Variants in COL26A1 observed in about 807,000 individuals in gnomAD.
COL26A1 encodes collagen type XXVI alpha 1 chain.
Under a neutral mutation model 59.3 loss-of-function variants are expected in COL26A1, and 41 were observed. That is an observed-to-expected ratio of 0.69 (90% CI 0.54 to 0.90). The LOEUF (loss-of-function observed/expected upper bound fraction) is 0.90. Among genes scored for constraint, COL26A1 ranks in the 40% least tolerant of loss-of-function variants. The pLI, the probability that COL26A1 is intolerant of heterozygous loss-of-function variation, is 0.00. For synonymous variants in COL26A1, 266 were observed against 256.0 expected (o/e 1.04, Z -0.37); for missense variants, 612 against 602.3 (o/e 1.02, Z -0.17).
chr7:101,473,856 GAA>G (rs72037716), intron 3 of COL26A1, among the ~76,000 whole-genome samples: 2 of 145,776 alleles, frequency 1.4e-5, no homozygotes, highest in South Asian at 2.2e-4. Flanking sequence ...CTGTCTCAAA[GAA>G]AAAAAAAAAG....
At chr7:101,398,773 A>AG (rs2130183266) in intron 1 of COL26A1, among the ~76,000 whole-genome samples, 1 of 152,252 alleles carries the variant, frequency 6.6e-6, no homozygotes, top group South Asian at 2.1e-4. Context: ...GCCGCTGCAG[A>AG]GGAGGGGGTC....
intron 3 of COL26A1, among the ~76,000 whole-genome samples, chr7:101,463,909 T>TCC (rs1793694311): frequency 1.9e-5 from 1 of 51,678 alleles, no homozygotes; most frequent in Non-Finnish European, 4.2e-5. Context: ...TTCTTTTTCT[T>TCC]TCTCTCTTTC....
chr7:101,552,789 C>G (rs566550341), intron 10 of COL26A1, among the ~76,000 whole-genome samples: 3 of 152,212 alleles, frequency 2.0e-5, no homozygotes, highest in Non-Finnish European at 4.4e-5. Context: ...TGCCTGTAAT[C>G]TCAGCTACTC....
intron 1 of COL26A1, among the ~76,000 whole-genome samples, chr7:101,402,965 C>A (rs1035550523): frequency 1.3e-5 from 2 of 151,868 alleles, no homozygotes; most frequent in South Asian, 4.1e-4. Context: ...CCCACCTCAG[C>A]TTCTCGAGTA....
At chr7:101,489,771 T>G (rs915023832) in intron 3 of COL26A1, among the ~76,000 whole-genome samples, 117 of 3,126 alleles carry the variant, frequency 0.037, 29 homozygotes, top group Non-Finnish European at 0.057. Flanking sequence ...TCTTTCTTTC[T>G]TTCTTTCTTT....
At chr7:101,405,083 G>A (rs141544984) in intron 1 of COL26A1, among the ~76,000 whole-genome samples, 2,591 of 151,890 alleles carry the variant, frequency 0.017, 67 homozygotes, top group African/African-American at 0.06. Context: ...TTAGCCGGGC[G>A]TGGTGGCAGG....
At chr7:101,423,872 C>A (rs1433731857) in intron 2 of COL26A1, among the ~76,000 whole-genome samples, 1 of 152,118 alleles carries the variant, frequency 6.6e-6, no homozygotes, top group Non-Finnish European at 1.5e-5. Context: ...TAAGTCTCCC[C>A]TTTGCCTATA....
intron 3 of COL26A1, among the ~76,000 whole-genome samples, chr7:101,463,903 T>TTCTTTCTCTC (rs377202948): frequency 2.0e-5 from 1 of 49,906 alleles, no homozygotes; most frequent in African/African-American, 7.0e-5. Flanking sequence ...CTTTCTTTCT[T>TTCTTTCTCTC]TTTCTTTCTC....
chr7:101,518,212 G>T (rs1008511620), intron 3 of COL26A1, among the ~76,000 whole-genome samples: 2 of 152,162 alleles, frequency 1.3e-5, no homozygotes, highest in African/African-American at 4.8e-5. Context: ...GAATTTGTCT[G>T]TTCCTTGAGA....
intron 2 of COL26A1, among the ~76,000 whole-genome samples, chr7:101,437,377 G>A (rs1792940907): frequency 6.6e-6 from 1 of 151,102 alleles, no homozygotes; most frequent in South Asian, 2.1e-4. Context: ...CCTGAATGGG[G>A]GCGGAGTTCC....
chr7:101,399,227 G>T (rs989037717), intron 1 of COL26A1, among the ~76,000 whole-genome samples: 11 of 152,088 alleles, frequency 7.2e-5, no homozygotes, highest in African/African-American at 2.7e-4. Flanking sequence ...GATTGCTTGA[G>T]CCCAGGAGGT....
chr7:101,426,257 G>T (rs1284349252), intron 2 of COL26A1, among the ~76,000 whole-genome samples: 1 of 152,124 alleles, frequency 6.6e-6, no homozygotes, highest in Non-Finnish European at 1.5e-5. Flanking sequence ...GCACTTTGAG[G>T]CAGGGTCTGT....
intron 1 of COL26A1, among the ~76,000 whole-genome samples, chr7:101,387,390 T>A (rs1270511846): frequency 6.6e-6 from 1 of 150,984 alleles, no homozygotes; most frequent in African/African-American, 2.5e-5. Flanking sequence ...AAAAAAAGTT[T>A]ATTTTTTCCC....
chr7:101,407,310 T>G (rs572242328), intron 1 of COL26A1, among the ~76,000 whole-genome samples: 127 of 152,280 alleles, frequency 8.3e-4, no homozygotes, highest in African/African-American at 2.9e-3. Flanking sequence ...ACCATGGCCC[T>G]CCGCTTGTCT....
chr7:101,540,520 A>G (rs1423824579), intron 5 of COL26A1, among the ~76,000 whole-genome samples: 1 of 149,464 alleles, frequency 6.7e-6, no homozygotes, highest in African/African-American at 2.5e-5. Flanking sequence ...CCTGGGGGAC[A>G]AGAGCAAAAT....
At chr7:101,529,892 A>G (rs1795328382) in intron 3 of COL26A1, among the ~76,000 whole-genome samples, 1 of 152,164 alleles carries the variant, frequency 6.6e-6, no homozygotes, top group African/African-American at 2.4e-5. Context: ...GAACACAGCT[A>G]CTAGAGAGGG....
At chr7:101,502,920 G>A (rs73712178) in intron 3 of COL26A1, among the ~76,000 whole-genome samples, 16,577 of 152,176 alleles carry the variant, frequency 0.11, 2,021 homozygotes, top group African/African-American at 0.3. Flanking sequence ...CATGGTGTCC[G>A]CCCAGTGACT....
At chr7:101,512,169 A>C (rs1794939358) in intron 3 of COL26A1, among the ~76,000 whole-genome samples, 1 of 152,142 alleles carries the variant, frequency 6.6e-6, no homozygotes, top group Admixed American at 6.6e-5. Flanking sequence ...TTTACCCCTG[A>C]GTCAGCACAG....
chr7:101,375,829 TAAA>T (rs1476668767), intron 1 of COL26A1, among the ~76,000 whole-genome samples: 4 of 149,544 alleles, frequency 2.7e-5, no homozygotes, highest in African/African-American at 9.9e-5. Context: ...CTACTAAAAA[TAAA>T]AAAATTGGCT....
Sources: gnomAD v4.1 joint callset for allele counts (sites outside exome capture counted in the v4.1 genomes callset) on GRCh38, gnomAD v4.1.1 for gene constraint, MANE v1.5 for transcripts, NCBI Gene and HGNC (gene_info 2026-07-23, HGNC 2026-07-21) for gene names.